PRMT5: variants seen among roughly 807,000 people sequenced by gnomAD.
PRMT5 encodes the protein protein arginine N-methyltransferase 5.
In PRMT5, 15 loss-of-function variants were observed where a neutral mutation model predicts 84.0. The ratio of observed to expected loss-of-function variants is 0.18; its 90% CI spans 0.12 to 0.28. The LOEUF is 0.28. PRMT5 is among the 10% of genes least tolerant of loss of function. The pLI, the probability that PRMT5 is intolerant of heterozygous loss-of-function variation, is 1.00. For missense variants in PRMT5, 486 were observed against 808.0 expected (o/e 0.60, Z 4.83); for synonymous variants, 276 against 292.4 (o/e 0.94, Z 0.57).
In PRMT5 at chr14:22,922,012, A is replaced by C. The variant is rs111925678; in HGVS notation, c.1761+164T>G. On this transcript the variant is annotated intron_variant, in intron 16 of 16. Transcript: ENST00000324366. ...GAGTAGATGCGGGAAAGCCAGGCAGAAGGCCACTCCAAATACTCCCAACAC... is the reference window on the plus strand; with the variant it reads ...GAGTAGATGCGGGAAAGCCAGGCAGCAGGCCACTCCAAATACTCCCAACAC... 23 of 679,730 alleles carry C rather than the reference A, an allele frequency of 3.4e-5. No individual in the cohort carries two copies. In the African/African-American group the frequency reaches 3.6e-4, roughly 11 times the overall value. 42.1% of individuals were successfully genotyped at this position (679,730 alleles called of 1,614,324 possible).
chr14:22,929,102 T>C, intron 1 of PRMT5, 150 bp downstream of exon 1: 7 of 1,592,650 alleles, frequency 4.4e-6, no homozygotes, highest in Non-Finnish European at 6.0e-6. Context: ...CGTTACTGGG[T>C]CCGAGGCTCC....
Position 22,928,876 on chromosome 14 carries a change from G to C in PRMT5, c.111-261C>G, listed in dbSNP as rs2044484516. ...ACAAGTAGAATTTTTTTCTCCTCAGGTGTCAGTATGTTTCCAAGACCATCA... is the reference window on the plus strand; with the variant it reads ...ACAAGTAGAATTTTTTTCTCCTCAGCTGTCAGTATGTTTCCAAGACCATCA... On this transcript the variant is annotated intron_variant, in intron 1 of 16. Coordinates refer to ENST00000324366, the MANE Select transcript of PRMT5 (RefSeq NM_006109.5). This position sits in a 1 kb window ranked among gnomAD's most constrained non-coding sequence, Gnocchi z 4.8. 6.6e-6 allele frequency among the ~76,000 whole-genome samples: 1 copy of C among 151,376 alleles called. No homozygotes were observed. Among genetic ancestry groups the C allele is most frequent in the African/African-American group, 2.4e-5 (1 of 41,276 alleles).
Position 22,928,227 on chromosome 14 carries a change from C to G in PRMT5, c.230-16G>C, listed in dbSNP as rs773870218. On this transcript the variant is annotated splice_polypyrimidine_tract_variant and intron_variant, in intron 2 of 16. Transcript: ENST00000324366. The surrounding 1 kb of genome is among the most constrained non-coding windows in gnomAD (Gnocchi z 4.8). ...GTATTCCAGTCTGCACTCCCCCACCCAAGAAAGACAAATACTGAATAAGGT... is the reference window on the plus strand; with the variant it reads ...GTATTCCAGTCTGCACTCCCCCACCGAAGAAAGACAAATACTGAATAAGGT... 6.2e-7 allele frequency: 1 copy of G among 1,611,172 alleles called. No individual in the cohort carries two copies. Among genetic ancestry groups the G allele is most frequent in the South Asian group, 1.1e-5 (1 of 90,972 alleles).
chr14:22,926,907 G>A (rs565306812), intron 4 of PRMT5, 93 bp from the exon 5 acceptor site: 13 of 830,294 alleles, frequency 1.6e-5, no homozygotes, highest in Admixed American at 5.8e-5. Context: ...TCCAGACCTC[G>A]TTAATCCCTT....
At chr14:22,929,178 C>T in intron 1 of PRMT5, 74 bp downstream of exon 1, 1 of 1,614,132 alleles carries the variant, frequency 6.2e-7, no homozygotes, top group Non-Finnish European at 8.5e-7. Flanking sequence ...CCTGCTTCTC[C>T]GGGATGACTA....
chr14:22,929,028 A>T, intron 1 of PRMT5: 2 of 1,101,350 alleles, frequency 1.8e-6, no homozygotes, highest in African/African-American at 1.6e-5. Context: ...TTTAGAGTTT[A>T]CCCAACAACT....
chr14:22,921,985 C>A lies in PRMT5; in HGVS notation c.1761+191G>T, dbSNP rs941340614. The A allele has an allele frequency of 9.8e-6, 6 of 613,010 alleles. No individual in the cohort carries two copies. The African/African-American group carries it at 1.1e-4, about 11-fold the overall frequency. The allele number at this position is 613,010 out of a possible 1,614,324, so 38.0% of individuals were successfully genotyped here. A position where few individuals can be genotyped will look rare whatever the true frequency, so the allele number is the denominator to read the frequency against. ...AGTAGAGAACAGACAGAAGAGTAGC[C>A]AGAGTAGATGCGGGAAAGCCAGGCA... On this transcript the variant is annotated intron_variant, in intron 16 of 16. Coordinates refer to ENST00000324366, the MANE Select transcript of PRMT5 (RefSeq NM_006109.5).
In PRMT5 at chr14:22,926,643, C is replaced by T. The variant is rs1019080123; in HGVS notation, c.563+59G>A. On this transcript the variant is annotated intron_variant, in intron 5 of 16. Transcript: ENST00000324366. ...AAGGAGACCTCCCTACAGGTTGCAC[C>T]CTGTACTTCCCCTCACCCTATCCCT... The T allele has an allele frequency of 8.7e-6, 14 of 1,600,614 alleles. No homozygotes were observed. In the African/African-American group the frequency reaches 1.3e-4, roughly 15 times the overall value.
intron 7 of PRMT5, 105 bp from the exon 8 acceptor site, chr14:22,925,145 A>C (rs1300728797): frequency 8.4e-7 from 1 of 1,187,530 alleles, no homozygotes; most frequent in Non-Finnish European, 1.1e-6. Flanking sequence ...CCAGATCAAC[A>C]GTTCTCTTTT....
chr14:22,923,861 A>C lies in PRMT5; in HGVS notation c.1375+147T>G, dbSNP rs2044358604. On this transcript the variant is annotated intron_variant, in intron 12 of 16. Transcript: ENST00000324366. This position sits in a 1 kb window ranked among gnomAD's most constrained non-coding sequence, Gnocchi z 5.2. ...GTTTGGAGAGATGACTTCATTTGCTAGGGGCACAGAGGCAGTGAAGCAGTG... is the reference window on the plus strand; with the variant it reads ...GTTTGGAGAGATGACTTCATTTGCTCGGGGCACAGAGGCAGTGAAGCAGTG... 1.2e-6 allele frequency: 1 copy of C among 867,612 alleles called. No homozygotes were observed. Among genetic ancestry groups the C allele is most frequent in the Admixed American group, 2.7e-5 (1 of 37,470 alleles). The allele number at this position is 867,612 out of a possible 1,614,324, so 53.7% of individuals were successfully genotyped here.
rs755878482 is a variant in PRMT5, at chr14:22,927,619, A to G, written c.357T>C (p.Leu119=). Residue 119 remains leucine (L), a synonymous_variant, in exon 4 of 17, where the codon CTT becomes CTC. Transcript: ENST00000324366. ...GATTAAGGGGCAGCAGGAAAGCTGG[A>G]AGACCCAAATATGCACCAAAATTCA... ...QELNFGAYLG[L]PAFLLPLNQE... is the part of the protein sequence containing the mutation. 2 of 1,614,112 alleles carry G rather than the reference A, an allele frequency of 1.2e-6. No homozygotes were observed. Among genetic ancestry groups the G allele is most frequent in the East Asian group, 4.5e-5 (2 of 44,878 alleles).
intron 4 of PRMT5, 41 bp downstream of exon 4, chr14:22,927,485 C>A: frequency 6.2e-7 from 1 of 1,611,758 alleles, no homozygotes; most frequent in South Asian, 1.1e-5. Flanking sequence ...CACAATCTGA[C>A]TACTATGATA....
In PRMT5 at chr14:22,923,378, C is replaced by T; in HGVS notation, c.1376-218G>A. On this transcript the variant is annotated intron_variant, in intron 12 of 16. Transcript: ENST00000324366. The surrounding 1 kb of genome is among the most constrained non-coding windows in gnomAD (Gnocchi z 5.2). ...ACTACTAGGTTAATTTACAGAGTCA[C>T]ACAGATTAAAACTGAAAGAACCCAA... 1 of 470,312 alleles carries T rather than the reference C, an allele frequency of 2.1e-6. No individual in the cohort carries two copies. Among genetic ancestry groups the T allele is most frequent in the Non-Finnish European group, 3.7e-6 (1 of 267,212 alleles). 29.1% of individuals were successfully genotyped at this position (470,312 alleles called of 1,614,324 possible). A position where few individuals can be genotyped will look rare whatever the true frequency, so the allele number is the denominator to read the frequency against.
rs996666773 is a variant in PRMT5 at position 22,928,651 on chromosome 14, A to G, written c.111-36T>C. The G allele has an allele frequency of 1.1e-5, 17 of 1,492,962 alleles. No homozygotes were observed. Among genetic ancestry groups the G allele is most frequent in the Non-Finnish European group, 1.6e-5 (17 of 1,069,632 alleles). The allele number at this position is 1,492,962 out of a possible 1,614,324, so 92.5% of individuals were successfully genotyped here. The stretch of plus-strand genomic sequence containing the variant: ...GACAGACCCAGAATCATGTAAAGAC[A>G]GCAGCAGTGCCAGAGAGCCAAGCAA... On this transcript the variant is annotated intron_variant, in intron 1 of 16. Coordinates refer to ENST00000324366, the MANE Select transcript of PRMT5 (RefSeq NM_006109.5). The surrounding 1 kb of genome is among the most constrained non-coding windows in gnomAD (Gnocchi z 4.8).
rs375927056 is a variant in PRMT5 at position 22,929,348 on chromosome 14, G to A, written c.14C>T (p.Ala5Val). Residue 5 changes from alanine to valine, a missense_variant, in exon 1 of 17, where the codon GCG becomes GTG. Coordinates refer to ENST00000324366, the MANE Select transcript of PRMT5 (RefSeq NM_006109.5). MAAM[A>V]VGGAGGSRVS... is the part of the protein sequence containing the mutation. ...GCGGCTCCCACCAGCACCCCCGACC[G>A]CCATCGCCGCCATCTTTCTCCTCGC... The A allele has an allele frequency of 3.1e-6, 5 of 1,607,412 alleles. No homozygotes were observed. The highest frequency in any genetic ancestry group is 1.3e-5 in the African/African-American group (1 of 74,816).
Position 22,928,860 on chromosome 14 carries a change from ATT to A in PRMT5, c.111-247_111-246del, listed in dbSNP as rs2044484051. Among the ~76,000 whole-genome samples, 1 of 151,966 alleles carries A rather than the reference ATT, an allele frequency of 6.6e-6. No individual in the cohort carries two copies. Among genetic ancestry groups the A allele is most frequent in the African/African-American group, 2.4e-5 (1 of 41,350 alleles). Reference sequence around the variant, plus strand: ...AAAATGATGGATATCCACAAGTAGAATTTTTTTCTCCTCAGGTGTCAGTATGT... The same window carrying A: ...AAAATGATGGATATCCACAAGTAGAATTTTTCTCCTCAGGTGTCAGTATGT... On this transcript the variant is annotated intron_variant, in intron 1 of 16. Coordinates refer to ENST00000324366, the MANE Select transcript of PRMT5 (RefSeq NM_006109.5). This position sits in a 1 kb window ranked among gnomAD's most constrained non-coding sequence, Gnocchi z 4.8.
chr14:22,928,033 A>T lies in PRMT5; in HGVS notation c.315+93T>A. 1 of 1,103,686 alleles carries T rather than the reference A, an allele frequency of 9.1e-7. No individual in the cohort carries two copies. Among genetic ancestry groups the T allele is most frequent in the Non-Finnish European group, 1.3e-6 (1 of 747,974 alleles). 68.4% of individuals were successfully genotyped at this position (1,103,686 alleles called of 1,614,324 possible). On this transcript the variant is annotated intron_variant, in intron 3 of 16. Transcript: ENST00000324366. The surrounding 1 kb of genome is among the most constrained non-coding windows in gnomAD (Gnocchi z 4.8). Reference sequence around the variant, plus strand: ...CTAATAGCTTTAATTTCATTCTATCAGTTAATTTACCAAGTTATTGGGGAT... The same window carrying T: ...CTAATAGCTTTAATTTCATTCTATCTGTTAATTTACCAAGTTATTGGGGAT...
In PRMT5 at chr14:22,923,823, T is replaced by C. The variant is rs2044357777; in HGVS notation, c.1375+185A>G. On this transcript the variant is annotated intron_variant, in intron 12 of 16. Coordinates refer to ENST00000324366, the MANE Select transcript of PRMT5 (RefSeq NM_006109.5). The surrounding 1 kb of genome is among the most constrained non-coding windows in gnomAD (Gnocchi z 5.2). ...CAGCCCACTCCCTTCATTTTACAAA[T>C]ATGAACACTAAGGTTTGGAGAGATG... 6.6e-6 allele frequency among the ~76,000 whole-genome samples: 1 copy of C among 152,112 alleles called. No homozygotes were observed. The highest frequency in any genetic ancestry group is 2.1e-4 in the South Asian group (1 of 4,826).
chr14:22,925,025 T>A lies in PRMT5; in HGVS notation c.793A>T (p.Ile265Phe), dbSNP rs2044386452. 6.2e-7 allele frequency: 1 copy of A among 1,613,874 alleles called. No individual in the cohort carries two copies. Among genetic ancestry groups the A allele is most frequent in the Admixed American group, 1.7e-5 (1 of 59,954 alleles). ...FRLLKLEVQF[I>F]ITGTNHHSEK... is the part of the protein sequence containing the mutation. ...GAGTGGTGGTTGGTGCCTGTGATGA[T>A]GAACTGCACCTCCAACTGTGAGAAA... Residue 265 changes from isoleucine to phenylalanine, a missense_variant, in exon 8 of 17, where the codon ATC becomes TTC. By Grantham distance (21) the Ile-to-Phe change is conservative. This residue lies in a region of PRMT5 where 215 missense variants were observed against 301.1 expected (regional missense o/e 0.71). Transcript: ENST00000324366.
Sources: gnomAD v4.1 joint callset for allele counts (sites outside exome capture counted in the v4.1 genomes callset) on GRCh38, gnomAD v4.1.1 for gene constraint, gnomAD v4.1.1 regional missense constraint, Gnocchi (gnomAD v3.1) non-coding constraint, MANE v1.5 for transcripts, NCBI Gene and HGNC (gene_info 2026-07-23, HGNC 2026-07-21) for gene names.